SYCE1L: variants seen among roughly 807,000 people sequenced by gnomAD.
SYCE1L encodes the protein synaptonemal complex central element protein 1-like.
A neutral mutation model predicts 39.6 loss-of-function variants in SYCE1L; 51 were observed. That is an observed-to-expected ratio of 1.29 (90% CI 1.03 to 1.63). The LOEUF is 1.63. Ranked by LOEUF, SYCE1L falls within the 40% of genes most tolerant of loss-of-function variation. The probability of loss-of-function intolerance (pLI) is 0.00; values close to 1 mark genes in which losing one functional copy is unlikely to be tolerated. For synonymous variants in SYCE1L, 147 were observed against 122.4 expected (o/e 1.20, Z -1.33); for missense variants, 426 against 304.9 (o/e 1.40, Z -2.96).
intron 1 of SYCE1L, among the ~76,000 whole-genome samples, chr16:77,203,965 G>T (rs181509453): frequency 5.8e-4 from 88 of 151,940 alleles, no homozygotes; most frequent in Admixed American, 2.6e-3. Context: ...ATGTCCTTAA[G>T]ACACATTCCT....
intron 1 of SYCE1L, chr16:77,200,248 G>GTGTATATA (rs1567422956): frequency 5.6e-5 from 5 of 88,990 alleles, no homozygotes; most frequent in African/African-American, 2.6e-4. Context: ...ATATATATAT[G>GTGTATATA]TATATGTGTA....
chr16:77,199,519 A>T lies in SYCE1L; in HGVS notation c.61+7A>T, dbSNP rs2142506259. ...GCTACTGAGGAGGCTGAAGGTAGTGAGGGCAAGTGGGCTGCACTCCTTTCT... is the reference window on the plus strand; with the variant it reads ...GCTACTGAGGAGGCTGAAGGTAGTGTGGGCAAGTGGGCTGCACTCCTTTCT... On this transcript the variant is annotated splice_region_variant and intron_variant, in intron 1 of 10. Transcript: ENST00000378644. 1.9e-6 allele frequency: 3 copies of T among 1,550,658 alleles called. No individual in the cohort carries two copies. In the East Asian group the frequency reaches 7.3e-5, roughly 38 times the overall value.
rs370319057 is a variant in SYCE1L at position 77,199,735 on chromosome 16, G to T, written c.61+223G>T. Reference sequence around the variant, plus strand: ...GAGATTAACTTTTGTCAACTGTAGTGTATACGTTGTTGAAAGTAAACAACA... The same window carrying T: ...GAGATTAACTTTTGTCAACTGTAGTTTATACGTTGTTGAAAGTAAACAACA... On this transcript the variant is annotated intron_variant, in intron 1 of 10. Transcript: ENST00000378644. 208 of 472,392 alleles carry T rather than the reference G, an allele frequency of 4.4e-4. 6 individuals are homozygous for T. The highest frequency in any genetic ancestry group is 3.9e-3 in the East Asian group (116 of 29,396). 29.3% of individuals were successfully genotyped at this position (472,392 alleles called of 1,614,324 possible). A position where few individuals can be genotyped will look rare whatever the true frequency, so the allele number is the denominator to read the frequency against.
At chr16:77,201,251 G>A (rs923313696) in intron 1 of SYCE1L, 1 of 152,178 alleles carries the variant, frequency 6.6e-6, no homozygotes, top group South Asian at 2.1e-4. Context: ...ACAAAAGACA[G>A]ACGGAAATAA....
intron 7 of SYCE1L, among the ~76,000 whole-genome samples, chr16:77,211,540 G>T (rs1305498452): frequency 6.6e-6 from 1 of 152,158 alleles, no homozygotes; most frequent in East Asian, 1.9e-4. Flanking sequence ...CTCATCTAGT[G>T]TATGTTCACC....
At chr16:77,209,236 C>A in intron 5 of SYCE1L, 92 bp downstream of exon 5, 1 of 1,456,376 alleles carries the variant, frequency 6.9e-7, no homozygotes, top group Non-Finnish European at 9.4e-7. Flanking sequence ...CCCACTGAAA[C>A]CTAAGGCAGG....
rs750537912 is a variant in SYCE1L, at chr16:77,211,165, G to T, written c.360-48G>T. 1.9e-5 allele frequency: 29 copies of T among 1,546,084 alleles called. No homozygotes were observed. In the South Asian group the frequency reaches 3.5e-4, roughly 18 times the overall value. On this transcript the variant is annotated intron_variant, in intron 6 of 10. Coordinates refer to ENST00000378644, the MANE Select transcript of SYCE1L (RefSeq NM_001129979.3). ...CTGTGCATGAGGAGCCCCCAACAGG[G>T]TGTCAGGCCTAGCATGTGTTCTCTT...
chr16:77,200,746 C>CAAAAAAAAAAAAAAAAAAAAAA (rs11344903), intron 1 of SYCE1L: 1 of 84,838 alleles, frequency 1.2e-5, no homozygotes. Flanking sequence ...ACAGAGTGAG[C>CAAAAAAAAAAAAAAAAAAAAAA]AAAAAAAAAA....
At chr16:77,208,979 A>G in intron 4 of SYCE1L, 118 bp from the exon 5 acceptor site, 1 of 1,113,352 alleles carries the variant, frequency 9.0e-7, no homozygotes. Flanking sequence ...TGGCAAGAAG[A>G]TACCTCACCT....
At chr16:77,211,403 C>G in intron 7 of SYCE1L, 127 bp downstream of exon 7, 1 of 1,110,810 alleles carries the variant, frequency 9.0e-7, no homozygotes, top group Admixed American at 2.0e-5. Context: ...CTTGCTTCCG[C>G]TTGCCCACCT....
At chr16:77,208,342 T>C (rs1251449640) in intron 3 of SYCE1L, 73 bp downstream of exon 3, 24 of 1,541,298 alleles carry the variant, frequency 1.6e-5, no homozygotes, top group Non-Finnish European at 8.8e-7. Context: ...ATCCACCTCC[T>C]CATCTATAAA....
intron 1 of SYCE1L, chr16:77,200,291 T>TATACATATATATATATATATATATAC: frequency 9.0e-6 from 1 of 111,430 alleles, no homozygotes; most frequent in African/African-American, 3.4e-5. Context: ...TATATATATA[T>TATACATATATATATATATATATATAC]ACACACACTA....
At chr16:77,209,764 G>T (rs1288383745) in intron 6 of SYCE1L, among the ~76,000 whole-genome samples, 1 of 152,042 alleles carries the variant, frequency 6.6e-6, no homozygotes, top group Non-Finnish European at 1.5e-5. Context: ...CCATTCACTT[G>T]CTTATTTGCC....
At position 77,200,291 on chromosome 16, in the gene SYCE1L, T is replaced by TATATATATATATATATATATACAC; in HGVS notation, c.61+780_61+781insTATATATATATATATATATACACA. 391 of 111,218 alleles carry TATATATATATATATATATATACAC rather than the reference T, an allele frequency of 3.5e-3. 9 individuals are homozygous for TATATATATATATATATATATACAC. Among genetic ancestry groups the TATATATATATATATATATATACAC allele is most frequent in the African/African-American group, 0.011 (319 of 29,630 alleles). 6.9% of individuals were successfully genotyped at this position (111,218 alleles called of 1,614,324 possible). A position where few individuals can be genotyped will look rare whatever the true frequency, so the allele number is the denominator to read the frequency against. ...ATATATGTGTATATATATATATATA[T>TATATATATATATATATATATACAC]ACACACACTAATCAGCCGGGCGCGG... On this transcript the variant is annotated intron_variant, in intron 1 of 10. Coordinates refer to ENST00000378644, the MANE Select transcript of SYCE1L (RefSeq NM_001129979.3).
chr16:77,204,188 T>G lies in SYCE1L; in HGVS notation c.62-2253T>G, dbSNP rs2054768516. Among the ~76,000 whole-genome samples the G allele has an allele frequency of 2.0e-5, 3 of 152,226 alleles. No homozygotes were observed. In the East Asian group the frequency reaches 5.8e-4, roughly 29 times the overall value. ...CAAATTCCATAATATACATTCCCTT[T>G]GGTCCACCAGGTAGCGTCTAGGTAG... On this transcript the variant is annotated intron_variant, in intron 1 of 10. Transcript: ENST00000378644.
intron 5 of SYCE1L, 135 bp from the exon 6 acceptor site, chr16:77,209,282 G>C: frequency 7.5e-7 from 1 of 1,332,662 alleles, no homozygotes; most frequent in African/African-American, 1.5e-5. Flanking sequence ...TTCCTGGATT[G>C]CTACATCACT....
intron 1 of SYCE1L, among the ~76,000 whole-genome samples, chr16:77,202,680 G>A (rs1408487390): frequency 6.6e-6 from 1 of 152,170 alleles, no homozygotes; most frequent in African/African-American, 2.4e-5. Flanking sequence ...TGTGATTATA[G>A]GATTGGGGTC....
At chr16:77,202,427 G>A (rs891829936) in intron 1 of SYCE1L, 10 of 151,890 alleles carry the variant, frequency 6.6e-5, no homozygotes, top group African/African-American at 2.4e-4. Flanking sequence ...ATTTTCTTTT[G>A]TAATGGACTT....
intron 1 of SYCE1L, among the ~76,000 whole-genome samples, chr16:77,202,760 G>A (rs13336198): frequency 0.033 from 4,954 of 152,186 alleles, 96 homozygotes; most frequent in African/African-American, 0.048. Context: ...TCAAGAAGCC[G>A]GGGGCTTGCT....
Sources: gnomAD v4.1 joint callset for allele counts (sites outside exome capture counted in the v4.1 genomes callset) on GRCh38, gnomAD v4.1.1 for gene constraint, MANE v1.5 for transcripts, NCBI Gene and HGNC (gene_info 2026-07-23, HGNC 2026-07-21) for gene names.